The following SLC1A6 variants were observed in gnomAD, a reference collection of about 807,000 sequenced individuals.
SLC1A6 encodes the protein solute carrier family 1 member 6, also known as excitatory amino acid transporter 4.
Under a neutral mutation model 42.1 loss-of-function variants are expected in SLC1A6, and 15 were observed. The observed-to-expected ratio is 0.36, with a 90% CI of 0.24 to 0.55. The LOEUF is 0.55. SLC1A6 is among the 20% of genes least tolerant of loss of function. The pLI is 0.88. For missense variants in SLC1A6, 542 were observed against 772.5 expected (o/e 0.70, Z 3.54); for synonymous variants, 317 against 319.7 (o/e 0.99, Z 0.09).
rs190087888 is a variant in SLC1A6 at position 14,969,718 on chromosome 19, C to A, written c.344-1211G>T. Among the ~76,000 whole-genome samples the A allele has an allele frequency of 6.1e-3, 925 of 152,322 alleles. 5 individuals carry two copies. The highest frequency in any genetic ancestry group is 0.014 in the Middle Eastern group (4 of 294). ...AGCCATTTCTTCATGCCTTTTTCTTCTTCCCCATCCCCAAATCCAGGGATT... is the reference window on the plus strand; with the variant it reads ...AGCCATTTCTTCATGCCTTTTTCTTATTCCCCATCCCCAAATCCAGGGATT... On this transcript the variant is annotated intron_variant, in intron 3 of 9. Coordinates refer to ENST00000594383, the MANE Select transcript of SLC1A6 (RefSeq NM_005071.3).
chr19:14,962,200 G>A lies in SLC1A6; in HGVS notation c.737C>T (p.Thr246Ile). The A allele has an allele frequency of 6.2e-7, 1 of 1,614,170 alleles. No homozygotes were observed. The highest frequency in any genetic ancestry group is 1.1e-5 in the South Asian group (1 of 91,084). ...FLENVTRALG[T>I]LQEMLSFEET... ...CTCAAAGCTCAGCATCTCCTGCAGG[G>A]TACCCAAGGCCCGAGTGACATTTTC... Residue 246 changes from threonine to isoleucine, a missense_variant, in exon 6 of 10, where the codon ACC (threonine) becomes ATC (isoleucine). Transcript: ENST00000594383.
At chr19:14,994,285 T>C (rs1187628595) in intron 1 of SLC1A6, among the ~76,000 whole-genome samples, 1 of 152,110 alleles carries the variant, frequency 6.6e-6, no homozygotes, top group Non-Finnish European at 1.5e-5. Flanking sequence ...ATTTATTTCC[T>C]GGGGTGCCTC....
intron 1 of SLC1A6, among the ~76,000 whole-genome samples, chr19:15,002,837 C>T (rs947030429): frequency 4.6e-5 from 7 of 152,174 alleles, no homozygotes; most frequent in Non-Finnish European, 7.3e-5. Context: ...AGAAAAGAAA[C>T]TGGAATTTGT....
At chr19:14,990,213 C>T (rs1378957262) in intron 1 of SLC1A6, among the ~76,000 whole-genome samples, 1 of 151,820 alleles carries the variant, frequency 6.6e-6, no homozygotes, top group African/African-American at 2.4e-5. Context: ...ATGTACTATG[C>T]TATGCAGTTG....
intron 1 of SLC1A6, among the ~76,000 whole-genome samples, chr19:15,008,102 G>A (rs893255052): frequency 6.6e-6 from 1 of 151,684 alleles, no homozygotes; most frequent in African/African-American, 2.4e-5. Flanking sequence ...TCACCATTTT[G>A]GGAGGCTGAG....
chr19:14,962,090 C>T lies in SLC1A6; in HGVS notation c.847G>A (p.Gly283Ser), dbSNP rs773574839. The part of the protein sequence containing the change: ...VFSVAFGLVI[G>S]GMKHKGRVLR... ...ACTCTGCCCTTGTGTTTCATGCCAC[C>T]AATGACCAGCCCAAAGGCCACAGAG... Residue 283 changes from glycine to serine, a missense_variant, in exon 6 of 10, where the codon GGT becomes AGT. Transcript: ENST00000594383. The T allele has an allele frequency of 2.5e-6, 4 of 1,614,218 alleles. No individual in the cohort carries two copies. The Admixed American group carries it at 6.7e-5, about 27-fold the overall frequency.
rs1246226252 is a variant in SLC1A6, at chr19:14,956,097, GGAA to G, written c.1169+376_1169+378del. Among the ~76,000 whole-genome samples, 6 of 152,100 alleles carry G rather than the reference GGAA, an allele frequency of 3.9e-5. No homozygotes were observed. In the South Asian group the frequency reaches 8.3e-4, roughly 21 times the overall value. On this transcript the variant is annotated intron_variant, in intron 7 of 9. Transcript: ENST00000594383. ...AGAAAAAGGAGGAAGAGGATGAAGG[GGAA>G]GAAGAAGGAGGAGGAGAAGGAAGAA...
At chr19:14,972,585 A>T (rs2045653836) in intron 2 of SLC1A6, 121 bp downstream of exon 2, 2 of 752,074 alleles carry the variant, frequency 2.7e-6, no homozygotes, top group South Asian at 3.5e-5. Context: ...GACTGGTGGG[A>T]CTGGGACGTG....
chr19:14,954,406 G>A, intron 7 of SLC1A6, 77 bp from the exon 8 acceptor site: 1 of 1,340,072 alleles, frequency 7.5e-7, no homozygotes, highest in Non-Finnish European at 1.1e-6. Context: ...GTGGCCTAGT[G>A]GGGCAGGGCA....
At chr19:14,964,242 C>T in intron 5 of SLC1A6, 77 bp downstream of exon 5, 1 of 1,255,020 alleles carries the variant, frequency 8.0e-7, no homozygotes, top group Middle Eastern at 1.9e-4. Flanking sequence ...CGCCTCTTGC[C>T]CTTGGACCAT....
chr19:14,997,906 C>T lies in SLC1A6; in HGVS notation c.6+12579G>A, dbSNP rs575508812. ...TCTCATAGTTGCCAAGAATCCTGGG[C>T]ATTTCTTGGCTTGTATATCCTCTAC... On this transcript the variant is annotated intron_variant, in intron 1 of 8. Coordinates refer to the SLC1A6 transcript ENST00000430939. 7.9e-5 allele frequency among the ~76,000 whole-genome samples: 12 copies of T among 151,966 alleles called. No individual in the cohort carries two copies. In the South Asian group the frequency reaches 1.2e-3, roughly 16 times the overall value.
intron 7 of SLC1A6, among the ~76,000 whole-genome samples, chr19:14,955,571 A>G (rs1271764804): frequency 6.6e-6 from 1 of 151,730 alleles, no homozygotes; most frequent in East Asian, 1.9e-4. Context: ...GTGAGTGGAG[A>G]TCACACCACT....
intron 4 of SLC1A6, among the ~76,000 whole-genome samples, chr19:14,964,926 T>C (rs2045556488): frequency 6.6e-6 from 1 of 152,080 alleles, no homozygotes; most frequent in African/African-American, 2.4e-5. Context: ...CAAAAAACTA[T>C]AGATGTTGGC....
upstream of SLC1A6, among the ~76,000 whole-genome samples, chr19:14,983,752 G>T (rs549662756): frequency 1.0e-4 from 15 of 147,876 alleles, no homozygotes; most frequent in East Asian, 3.0e-3. Flanking sequence ...AGGCTGTAAG[G>T]CTGTAAGGCT....
intron 6 of SLC1A6, among the ~76,000 whole-genome samples, chr19:14,957,054 T>G (rs2045469625): frequency 6.6e-6 from 1 of 152,202 alleles, no homozygotes; most frequent in Admixed American, 6.5e-5. Flanking sequence ...GTTTCCTTCC[T>G]TAGACATTGC....
intron 1 of SLC1A6, among the ~76,000 whole-genome samples, chr19:15,008,410 C>T (rs1463150923): frequency 1.3e-5 from 2 of 151,128 alleles, no homozygotes; most frequent in Non-Finnish European, 2.9e-5. Context: ...GAAAAAAAAA[C>T]AGAGGTTGGC....
At chr19:14,970,206 A>G (rs1435863982) in intron 3 of SLC1A6, among the ~76,000 whole-genome samples, 3 of 152,006 alleles carry the variant, frequency 2.0e-5, no homozygotes, top group Non-Finnish European at 4.4e-5. Flanking sequence ...AGTAGCTAGG[A>G]CTATGGGCAT....
At position 14,956,473 on chromosome 19, in the gene SLC1A6, T is replaced by A. The variant is rs764499448; in HGVS notation, c.1169+3A>T. 6 of 1,560,580 alleles carry A rather than the reference T, an allele frequency of 3.8e-6. No individual in the cohort carries two copies. The highest frequency in any genetic ancestry group is 1.8e-5 in the Admixed American group (1 of 55,690). The stretch of plus-strand genomic sequence containing the variant: ...GGTGCTGGGGTGGGGAGCAAGGCCA[T>A]ACCTGGAAGACGTGCCCATAGCGGT... On this transcript the variant is annotated splice_donor_region_variant and intron_variant, in intron 7 of 9. Coordinates refer to ENST00000594383, the MANE Select transcript of SLC1A6 (RefSeq NM_005071.3).
At chr19:14,985,578 T>C (rs1255658827) in intron 1 of SLC1A6, among the ~76,000 whole-genome samples, 1 of 152,214 alleles carries the variant, frequency 6.6e-6, no homozygotes, top group Non-Finnish European at 1.5e-5. Context: ...CAGATGCCAG[T>C]GCCATGCTTC....
Sources: gnomAD v4.1 joint callset for allele counts (sites outside exome capture counted in the v4.1 genomes callset) on GRCh38, gnomAD v4.1.1 for gene constraint, MANE v1.5 for transcripts, NCBI Gene and HGNC (gene_info 2026-07-23, HGNC 2026-07-21) for gene names.